CD163L1: variants seen among roughly 807,000 people sequenced by gnomAD.
The protein encoded by CD163L1 is scavenger receptor cysteine-rich type 1 protein M160.
In CD163L1, 124 loss-of-function variants were observed where a neutral mutation model predicts 165.4. That is an observed-to-expected ratio of 0.75 (90% CI 0.65 to 0.87). The LOEUF (loss-of-function observed/expected upper bound fraction) is 0.87, where lower values mean the gene tolerates loss of function less well. CD163L1 is among the 40% of genes least tolerant of loss of function. The probability of loss-of-function intolerance (pLI) is 0.00; values close to 1 mark genes in which losing one functional copy is unlikely to be tolerated. For synonymous variants in CD163L1, 585 were observed against 662.2 expected (o/e 0.88, Z 1.79); for missense variants, 1,525 against 1,799.9 (o/e 0.85, Z 2.76).
chr12:7,320,945 CGGA>C, the CD163L1 span: 1 of 778,516 alleles, frequency 1.3e-6, no homozygotes, highest in Non-Finnish European at 2.1e-6. Context: ...ATTCTATCGT[CGGA>C]GGACGGTCGT....
Position 7,374,438 on chromosome 12 carries a change from A to C in CD163L1, c.3409+4T>G, listed in dbSNP as rs746278460. The C allele has an allele frequency of 7.5e-6, 12 of 1,606,304 alleles. No individual in the cohort carries two copies. The African/African-American group carries it at 1.6e-4, about 21-fold the overall frequency. The stretch of plus-strand genomic sequence containing the variant: ...GAGGAGGGTGAAAAGGTAGCAGCAC[A>C]GACCTGAGCAGATGACCCCTGCGTC... On this transcript the variant is annotated splice_donor_region_variant and intron_variant, in intron 13 of 19. Transcript: ENST00000313599. This position sits in a 1 kb window ranked among gnomAD's most constrained non-coding sequence, Gnocchi z 5.4.
At chr12:7,421,556 CATATAT>C (rs1325186728) in intron 4 of CD163L1, among the ~76,000 whole-genome samples, 90 of 130,300 alleles carry the variant, frequency 6.9e-4, no homozygotes, top group African/African-American at 2.5e-3. Context: ...TATACATATA[CATATAT>C]GTACATATAT....
At position 7,372,698 on chromosome 12, in the gene CD163L1, T is replaced by A. The variant is rs994396003; in HGVS notation, c.3730+622A>T. On this transcript the variant is annotated intron_variant, in intron 14 of 19. Transcript: ENST00000313599. The surrounding 1 kb of genome is among the most constrained non-coding windows in gnomAD (Gnocchi z 4.2). Reference sequence around the variant, plus strand: ...TCATATACACATTTCATATACACAATCATAACTTTAAGTTTTTGTACAAAA... The same window carrying A: ...TCATATACACATTTCATATACACAAACATAACTTTAAGTTTTTGTACAAAA... Among the ~76,000 whole-genome samples, 2 of 151,732 alleles carry A rather than the reference T, an allele frequency of 1.3e-5. No homozygotes were observed. Among genetic ancestry groups the A allele is most frequent in the Non-Finnish European group, 2.9e-5 (2 of 67,844 alleles).
intron 8 of CD163L1, among the ~76,000 whole-genome samples, chr12:7,380,866 A>T (rs1947392453): frequency 1.3e-5 from 2 of 152,186 alleles, no homozygotes; most frequent in African/African-American, 4.8e-5. Context: ...TTTGAAGGAA[A>T]TTTTTAGCAG....
intron 18 of CD163L1, among the ~76,000 whole-genome samples, chr12:7,360,405 A>G (rs1248574013): frequency 6.6e-6 from 1 of 152,090 alleles, no homozygotes; most frequent in African/African-American, 2.4e-5. Context: ...GGCTTCCCAA[A>G]GTGCTGGGAT....
downstream of CD163L1, among the ~76,000 whole-genome samples, chr12:7,344,882 G>C (rs946627520): frequency 6.6e-6 from 1 of 152,240 alleles, no homozygotes. Context: ...GGCTGCAGCT[G>C]GAGCAGATGT....
In CD163L1 at chr12:7,375,364, T is replaced by G; in HGVS notation, c.2918A>C (p.Glu973Ala). Residue 973 changes from glutamate to alanine, a missense_variant, in exon 11 of 20, where the codon GAG (glutamate) becomes GCG (alanine). Glu to Ala is a moderately radical substitution (Grantham distance 107). Transcript: ENST00000313599. ...WGHRFHCLGN[E>A]SLLDNCQMTV... ...CATTTGACAGTTATCCAGAAGTGAC[T>G]CATTCCCTAAGCAATGAAACCTGTG... is the stretch of plus-strand genomic sequence containing the variant. 1 of 1,614,162 alleles carries G rather than the reference T, an allele frequency of 6.2e-7. No individual in the cohort carries two copies. The highest frequency in any genetic ancestry group is 8.5e-7 in the Non-Finnish European group (1 of 1,180,022).
In CD163L1 at chr12:7,444,085, G is replaced by A. The variant is rs1258765110; in HGVS notation, c.31+12C>T. 1.2e-6 allele frequency: 2 copies of A among 1,613,496 alleles called. No individual in the cohort carries two copies. Among genetic ancestry groups the A allele is most frequent in the Non-Finnish European group, 8.5e-7 (1 of 1,179,626 alleles). ...TCCCAAATGGCAGAGCAAAATAAAA[G>A]CAAAACCTTACCAATATGCCACGAG... On this transcript the variant is annotated intron_variant, in intron 1 of 19. Transcript: ENST00000313599.
chr12:7,340,557 C>T, the CD163L1 span, among the ~76,000 whole-genome samples: 1,107 of 152,170 alleles, frequency 7.3e-3, 15 homozygotes, highest in African/African-American at 0.025. Flanking sequence ...GTCTTTAATT[C>T]CTCACTTCAA....
At chr12:7,358,992 AG>A in intron 18 of CD163L1, among the ~76,000 whole-genome samples, 1 of 152,092 alleles carries the variant, frequency 6.6e-6, no homozygotes, top group Middle Eastern at 3.4e-3. Flanking sequence ...GACACAGCTG[AG>A]GAAAAAAAAA....
At chr12:7,327,767 T>G in the CD163L1 span, among the ~76,000 whole-genome samples, 1 of 152,216 alleles carries the variant, frequency 6.6e-6, no homozygotes, top group Non-Finnish European at 1.5e-5. Flanking sequence ...AATCAGTGAC[T>G]GTTGACTTTC....
In CD163L1 at chr12:7,396,148, C is replaced by T. The variant is rs752515665; in HGVS notation, c.1997G>A (p.Gly666Glu). 11 of 1,613,990 alleles carry T rather than the reference C, an allele frequency of 6.8e-6. No individual in the cohort carries two copies. Among genetic ancestry groups the T allele is most frequent in the Non-Finnish European group, 9.3e-6 (11 of 1,180,022 alleles). ...ESDLWSCRNS[G>E]WGNNDCSHSE... ...GTGACTGCAGTCATTATTTCCCCACCCACTGTTCCTGCATGACCAGAGATC... is the reference window on the plus strand; with the variant it reads ...GTGACTGCAGTCATTATTTCCCCACTCACTGTTCCTGCATGACCAGAGATC... Residue 666 changes from glycine to glutamate, a missense_variant, in exon 8 of 20, where the codon GGG (glycine) becomes GAG (glutamate). Coordinates refer to ENST00000313599, the MANE Select transcript of CD163L1 (RefSeq NM_174941.6).
rs56678924 is a variant in CD163L1, at chr12:7,368,529, CT to C, written c.4073-333del. Among the ~76,000 whole-genome samples the C allele has an allele frequency of 4.3e-3, 583 of 137,152 alleles. 1 individual carries two copies. The highest frequency in any genetic ancestry group is 5.2e-3 in the Non-Finnish European group (327 of 62,902). 90.0% of individuals were successfully genotyped at this position (137,152 alleles called of 152,430 possible). On this transcript the variant is annotated intron_variant, in intron 16 of 19. Coordinates refer to ENST00000313599, the MANE Select transcript of CD163L1 (RefSeq NM_174941.6). The surrounding 1 kb of genome is among the most constrained non-coding windows in gnomAD (Gnocchi z 4.3). ...AGGGCTTGAGCTGAGCTGTTTCTTT[CT>C]TTTTTTTTTTTTTTTGAGATGGAGT...
chr12:7,387,522 T>C (rs1411380306), intron 8 of CD163L1, among the ~76,000 whole-genome samples: 1 of 152,192 alleles, frequency 6.6e-6, no homozygotes, highest in Non-Finnish European at 1.5e-5. Flanking sequence ...TTGCTCATAA[T>C]TGACTTGGGG....
intron 4 of CD163L1, among the ~76,000 whole-genome samples, chr12:7,416,192 T>C (rs1257776622): frequency 6.6e-6 from 1 of 152,262 alleles, no homozygotes; most frequent in Non-Finnish European, 1.5e-5. Context: ...TGAGCTTTTT[T>C]TCATATGTTT....
intron 4 of CD163L1, among the ~76,000 whole-genome samples, chr12:7,414,586 G>A (rs1244452260): frequency 1.3e-5 from 2 of 152,076 alleles, no homozygotes; most frequent in Admixed American, 6.6e-5. Context: ...GTAGGAAAAT[G>A]AGCATCCCAA....
chr12:7,320,729 T>C, the CD163L1 span: 47 of 1,613,112 alleles, frequency 2.9e-5, no homozygotes, highest in African/African-American at 4.0e-5. Flanking sequence ...ATCCAGACAC[T>C]TACTACTTAT....
the CD163L1 span, among the ~76,000 whole-genome samples, chr12:7,327,415 T>G: frequency 6.6e-6 from 1 of 152,136 alleles, no homozygotes; most frequent in Non-Finnish European, 1.5e-5. Flanking sequence ...GGACAGTGCT[T>G]GATTCACCTA....
chr12:7,334,194 G>T, the CD163L1 span, among the ~76,000 whole-genome samples: 1 of 151,924 alleles, frequency 6.6e-6, no homozygotes, highest in Non-Finnish European at 1.5e-5. Flanking sequence ...CCAAAAAAGA[G>T]AATTTTAGAC....
Sources: gnomAD v4.1 joint callset for allele counts (sites outside exome capture counted in the v4.1 genomes callset) on GRCh38, gnomAD v4.1.1 for gene constraint, Gnocchi (gnomAD v3.1) non-coding constraint, MANE v1.5 for transcripts, NCBI Gene and HGNC (gene_info 2026-07-23, HGNC 2026-07-21) for gene names.